MUC13: variants seen among roughly 807,000 people sequenced by gnomAD.
The protein encoded by MUC13 is mucin 13, cell surface associated, also known as mucin-13.
Under a neutral mutation model 48.3 loss-of-function variants are expected in MUC13, and 32 were observed. The observed-to-expected ratio is 0.66, with a 90% CI of 0.50 to 0.89. MUC13 has a LOEUF of 0.89. Ranked by LOEUF, MUC13 falls within the 40% of genes least tolerant of loss-of-function variation. MUC13 has a pLI of 0.00. For synonymous variants in MUC13, 199 were observed against 224.9 expected (o/e 0.88, Z 1.03); for missense variants, 571 against 622.8 (o/e 0.92, Z 0.88).
intron 5 of MUC13, among the ~76,000 whole-genome samples, chr3:124,919,405 G>C (rs1413408484): frequency 6.8e-6 from 1 of 146,206 alleles, no homozygotes; most frequent in Non-Finnish European, 1.5e-5. Flanking sequence ...GCTCAGGCTG[G>C]TCTTGAACTC....
intron 1 of MUC13, among the ~76,000 whole-genome samples, chr3:124,933,167 A>G (rs139876573): frequency 6.6e-5 from 10 of 152,220 alleles, no homozygotes; most frequent in African/African-American, 2.2e-4. Context: ...CCAGCTCTCA[A>G]AAAACTCTAA....
At chr3:124,923,499 C>A in intron 3 of MUC13, 28 bp downstream of exon 3, 1 of 1,605,938 alleles carries the variant, frequency 6.2e-7, no homozygotes, top group Middle Eastern at 1.7e-4. Flanking sequence ...ATACAGAGCT[C>A]AGCCATGGCT....
chr3:124,917,743 TGGGGCGGGGGCG>T (rs55752531), intron 5 of MUC13, among the ~76,000 whole-genome samples: 2 of 49,222 alleles, frequency 4.1e-5, no homozygotes, highest in African/African-American at 2.1e-4. Flanking sequence ...TGGGATTTGG[TGGGGCGGGGGCG>T]GGGGCGGGGG....
chr3:124,916,069 TTGTC>T (rs1255019129), intron 6 of MUC13, among the ~76,000 whole-genome samples: 1 of 152,250 alleles, frequency 6.6e-6, no homozygotes, highest in Non-Finnish European at 1.5e-5. Flanking sequence ...CAGCAGTGGT[TTGTC>T]TGGTCATTTA....
chr3:124,921,273 C>T (rs2107671156), intron 4 of MUC13, among the ~76,000 whole-genome samples: 1 of 152,178 alleles, frequency 6.6e-6, no homozygotes, highest in South Asian at 2.1e-4. Context: ...CCTCAGCCTC[C>T]TGAGTAGCTG....
At chr3:124,911,637 C>T (rs1052070971) in intron 9 of MUC13, among the ~76,000 whole-genome samples, 5 of 151,988 alleles carry the variant, frequency 3.3e-5, no homozygotes, top group Admixed American at 1.3e-4. Flanking sequence ...TGGGAGGGTA[C>T]AGAATTTGAA....
At chr3:124,926,833 T>G (rs1054510504) in intron 2 of MUC13, among the ~76,000 whole-genome samples, 1 of 152,268 alleles carries the variant, frequency 6.6e-6, no homozygotes, top group African/African-American at 2.4e-5. Context: ...AGACCCCACA[T>G]GGCCCACAAG....
intron 9 of MUC13, 69 bp from the exon 10 acceptor site, chr3:124,910,568 G>A (rs536809079): frequency 2.6e-5 from 41 of 1,589,236 alleles, no homozygotes; most frequent in South Asian, 2.3e-4. Context: ...GCACAGGTTC[G>A]TGTATTCCCA....
chr3:124,923,510 C>T lies in MUC13; in HGVS notation c.637+17G>A, dbSNP rs1255524519. The T allele has an allele frequency of 1.9e-6, 3 of 1,611,396 alleles. No homozygotes were observed. Among genetic ancestry groups the T allele is most frequent in the Non-Finnish European group, 2.5e-6 (3 of 1,179,090 alleles). On this transcript the variant is annotated intron_variant, in intron 3 of 11. Coordinates refer to ENST00000616727, the MANE Select transcript of MUC13 (RefSeq NM_033049.4). ...TGAGATACAGAGCTCAGCCATGGCT[C>T]ATCCCTTGTAACTCACCTTTCTTAC...
intron 9 of MUC13, among the ~76,000 whole-genome samples, 170 bp downstream of exon 9, chr3:124,911,933 AG>A (rs1935426691): frequency 6.6e-6 from 1 of 152,166 alleles, no homozygotes; most frequent in Non-Finnish European, 1.5e-5. Context: ...TCATAACCTA[AG>A]GGTGGGCATG....
At chr3:124,925,387 T>C (rs1232902309) in intron 2 of MUC13, among the ~76,000 whole-genome samples, 2 of 152,236 alleles carry the variant, frequency 1.3e-5, no homozygotes, top group African/African-American at 4.8e-5. Flanking sequence ...ATTATACATT[T>C]ATTTGTCCAA....
At chr3:124,931,810 C>T (rs2107674773) in intron 1 of MUC13, among the ~76,000 whole-genome samples, 1 of 151,396 alleles carries the variant, frequency 6.6e-6, no homozygotes, top group East Asian at 2.0e-4. Context: ...TTTGGGAGGC[C>T]AAGGCGGGCG....
chr3:124,930,270 T>C (rs915874242), intron 1 of MUC13, among the ~76,000 whole-genome samples: 1 of 152,226 alleles, frequency 6.6e-6, no homozygotes, highest in African/African-American at 2.4e-5. Flanking sequence ...CTAGGGAGAA[T>C]ACATTTCAGA....
At chr3:124,909,971 C>A (rs1317702155) in intron 10 of MUC13, among the ~76,000 whole-genome samples, 1 of 152,018 alleles carries the variant, frequency 6.6e-6, no homozygotes, top group Non-Finnish European at 1.5e-5. Context: ...AGAAATAAAT[C>A]TGGAAGGTTA....
chr3:124,929,170 C>CTTTTTTTTTTTT (rs1238533365), intron 1 of MUC13, among the ~76,000 whole-genome samples: 1 of 134,400 alleles, frequency 7.4e-6, no homozygotes, highest in Admixed American at 8.0e-5. Context: ...TTCCCCCACT[C>CTTTTTTTTTTTT]TTTTATTTTA....
At position 124,916,398 on chromosome 3, in the gene MUC13, T is replaced by C. The variant is rs1221879211; in HGVS notation, c.883A>G (p.Thr295Ala). 1 of 1,613,886 alleles carries C rather than the reference T, an allele frequency of 6.2e-7. No homozygotes were observed. The highest frequency in any genetic ancestry group is 1.1e-5 in the South Asian group (1 of 91,044). ...GTCACAGTCTTCTCATTGTCACTTG[T>C]GGTTTCTGCCAAAATTGTTACTATT... ...VTIVTILAET[T>A]SDNEKTVTEK... is the part of the protein sequence containing the mutation. Residue 295 changes from threonine to alanine, a missense_variant, in exon 6 of 12, where the codon ACA becomes GCA. Physicochemically the swap from Thr to Ala is moderately conservative, Grantham distance 58 (BLOSUM62 0). Transcript: ENST00000616727.
intron 1 of MUC13, 126 bp downstream of exon 1, chr3:124,934,535 A>G: frequency 1.5e-6 from 1 of 674,356 alleles, no homozygotes; most frequent in Non-Finnish European, 2.7e-6. Context: ...TGAGCTGGAG[A>G]GGAAACTTCA....
intron 10 of MUC13, 142 bp downstream of exon 10, chr3:124,910,273 C>T: frequency 1.8e-6 from 2 of 1,137,808 alleles, no homozygotes; most frequent in Admixed American, 2.7e-5. Context: ...ATGGCTCATG[C>T]CTGTAATCCC....
At chr3:124,918,999 A>G (rs1477493471) in intron 5 of MUC13, among the ~76,000 whole-genome samples, 1 of 151,488 alleles carries the variant, frequency 6.6e-6, no homozygotes, top group African/African-American at 2.5e-5. Flanking sequence ...GAAATTTTAT[A>G]CACATACTCT....
Sources: allele counts gnomAD v4.1 joint callset (sites outside exome capture counted in the v4.1 genomes callset), GRCh38; gene constraint gnomAD v4.1.1; transcripts MANE v1.5; gene names NCBI Gene and HGNC (gene_info 2026-07-23, HGNC 2026-07-21).